The following MAGI2 variants were observed in gnomAD, a reference collection of about 807,000 sequenced individuals.
The protein encoded by MAGI2 is membrane-associated guanylate kinase, WW and PDZ domain-containing protein 2.
Under a neutral mutation model 133.3 loss-of-function variants are expected in MAGI2, and 35 were observed. The observed-to-expected ratio is 0.26, with a 90% confidence interval of 0.20 to 0.35. MAGI2 has a LOEUF of 0.35. Ranked by LOEUF, MAGI2 falls within the 10% of genes least tolerant of loss-of-function variation. The pLI is 1.00. For synonymous variants in MAGI2, 729 were observed against 710.6 expected, an observed-to-expected ratio of 1.03 and a Z score of -0.41; for missense variants, 1,636 against 1,863.4, an observed-to-expected ratio of 0.88 and a Z score of 2.25.
At chr7:78,458,521 T>G (rs112399923) in intron 6 of MAGI2, among the ~76,000 whole-genome samples, 2 of 152,246 alleles carry the variant, frequency 1.3e-5, no homozygotes, top group African/African-American at 4.8e-5. Flanking sequence ...TATATATACT[T>G]TTCCCATTTT....
At chr7:79,048,567 T>C (rs777707876) in intron 1 of MAGI2, among the ~76,000 whole-genome samples, 14 of 152,208 alleles carry the variant, frequency 9.2e-5, no homozygotes, top group Non-Finnish European at 1.9e-4. Context: ...AGTAAATGTA[T>C]AAATATTTCA....
At chr7:78,201,021 A>G (rs1253238601) in intron 11 of MAGI2, 141 bp downstream of exon 11, 7 of 580,000 alleles carry the variant, frequency 1.2e-5, no homozygotes, top group Non-Finnish European at 1.8e-5. Flanking sequence ...ACAAGACAAA[A>G]GGACACAGAG....
intron 10 of MAGI2, among the ~76,000 whole-genome samples, chr7:78,208,374 A>T (rs1787338674): frequency 6.6e-6 from 1 of 152,148 alleles, no homozygotes; most frequent in South Asian, 2.1e-4. Context: ...TGATAAACTC[A>T]GCTATATAAA....
chr7:78,106,364 G>C (rs970961842), intron 20 of MAGI2, among the ~76,000 whole-genome samples: 1 of 151,996 alleles, frequency 6.6e-6, no homozygotes, highest in Non-Finnish European at 1.5e-5. Context: ...CCTTTCTTTT[G>C]AGTACCTAAC....
intron 2 of MAGI2, among the ~76,000 whole-genome samples, chr7:78,753,422 TA>T (rs1176710238): frequency 6.6e-6 from 1 of 151,950 alleles, no homozygotes; most frequent in Admixed American, 6.6e-5. Context: ...CTTTAAGTCT[TA>T]AAAAAATCAA....
In MAGI2 at chr7:79,321,101, T is replaced by C. The variant is rs185971230; in HGVS notation, c.301+131919A>G. Among the ~76,000 whole-genome samples, 209 of 152,258 alleles carry C rather than the reference T, an allele frequency of 1.4e-3. 1 individual carries two copies. Among genetic ancestry groups the C allele is most frequent in the African/African-American group, 4.0e-3 (166 of 41,574 alleles). On this transcript the variant is annotated intron_variant, in intron 1 of 21. Transcript: ENST00000354212. Reference sequence around the variant, plus strand: ...TGGATAACAATATGCAGTACTATGGTCCTTTTTACATTTGCATTACTAAAG... The same window carrying C: ...TGGATAACAATATGCAGTACTATGGCCCTTTTTACATTTGCATTACTAAAG...
intron 14 of MAGI2, among the ~76,000 whole-genome samples, chr7:78,177,726 G>C (rs75022864): frequency 3.2e-3 from 480 of 152,230 alleles, no homozygotes; most frequent in African/African-American, 0.011. Context: ...CAGGGGTTCA[G>C]TGCAATTAGA....
intron 1 of MAGI2, among the ~76,000 whole-genome samples, chr7:79,071,920 C>T (rs988324373): frequency 6.6e-6 from 1 of 152,132 alleles, no homozygotes; most frequent in Admixed American, 6.5e-5. Context: ...ACCCACTGAG[C>T]CAGGTACTGG....
chr7:79,146,476 G>A (rs983738271), intron 1 of MAGI2, among the ~76,000 whole-genome samples: 2 of 152,152 alleles, frequency 1.3e-5, no homozygotes, highest in African/African-American at 4.8e-5. Context: ...TGGATGGTGT[G>A]ATTTTGTTGT....
intron 20 of MAGI2, among the ~76,000 whole-genome samples, chr7:78,106,764 T>TA (rs1818734133): frequency 6.6e-6 from 1 of 152,186 alleles, no homozygotes; most frequent in Non-Finnish European, 1.5e-5. Context: ...TATTAATCCC[T>TA]TGTCAGGTAG....
chr7:79,229,219 T>C (rs1831140771), intron 1 of MAGI2, among the ~76,000 whole-genome samples: 2 of 152,188 alleles, frequency 1.3e-5, no homozygotes. Context: ...TTCAGAAATC[T>C]CTCTGCTGCT....
At chr7:79,242,042 G>C (rs1256575163) in intron 1 of MAGI2, among the ~76,000 whole-genome samples, 2 of 152,130 alleles carry the variant, frequency 1.3e-5, no homozygotes, top group African/African-American at 4.8e-5. Context: ...CTACCACTTG[G>C]CTAGCACTGC....
At chr7:78,663,649 G>C (rs1813226443) in intron 2 of MAGI2, among the ~76,000 whole-genome samples, 2 of 152,154 alleles carry the variant, frequency 1.3e-5, no homozygotes, top group Non-Finnish European at 2.9e-5. Flanking sequence ...AGGTAGCTAA[G>C]AGACCTTAGC....
intron 4 of MAGI2, among the ~76,000 whole-genome samples, chr7:78,505,471 G>A (rs149624844): frequency 1.1e-4 from 16 of 152,222 alleles, no homozygotes. Context: ...GCTAACTTCA[G>A]AGTCTCTTTT....
At chr7:78,552,956 T>C (rs1799480910) in intron 3 of MAGI2, among the ~76,000 whole-genome samples, 2 of 152,048 alleles carry the variant, frequency 1.3e-5, no homozygotes, top group African/African-American at 4.8e-5. Context: ...CTCCAGGCAA[T>C]TGCTATGGAT....
chr7:78,121,000 CAAAAAAA>C, intron 20 of MAGI2, among the ~76,000 whole-genome samples: 1 of 75,176 alleles, frequency 1.3e-5, no homozygotes, highest in South Asian at 5.2e-4. Context: ...GACTCCGTCT[CAAAAAAA>C]AAAAAAAAAA....
At chr7:78,395,010 A>G (rs540728763) in intron 6 of MAGI2, among the ~76,000 whole-genome samples, 1 of 152,330 alleles carries the variant, frequency 6.6e-6, no homozygotes, top group East Asian at 1.9e-4. Flanking sequence ...TTTAAGATAC[A>G]ATGTATTTTT....
chr7:78,751,990 G>A (rs781155947), intron 2 of MAGI2, among the ~76,000 whole-genome samples: 1 of 152,204 alleles, frequency 6.6e-6, no homozygotes, highest in Non-Finnish European at 1.5e-5. Flanking sequence ...TTCAATCAAA[G>A]ATCACCAGAA....
intron 15 of MAGI2, among the ~76,000 whole-genome samples, chr7:78,161,667 T>TAAAAAAAAAA (rs71515391): frequency 3.2e-4 from 22 of 68,902 alleles, no homozygotes; most frequent in Non-Finnish European, 4.0e-4. Flanking sequence ...CATCGATACC[T>TAAAAAAAAAA]AAAAAAAAAA....
Sources: gnomAD v4.1 joint callset for allele counts (sites outside exome capture counted in the v4.1 genomes callset) on GRCh38, gnomAD v4.1.1 for gene constraint, MANE v1.5 for transcripts, NCBI Gene and HGNC (gene_info 2026-07-23, HGNC 2026-07-21) for gene names.